ZNF292: variants seen among roughly 807,000 people sequenced by gnomAD.
ZNF292 encodes zinc finger protein 292, also known as 16 zinc-finger domain protein.
ZNF292 carries 26 observed loss-of-function variants against 217.9 expected under a neutral mutation model. That is an observed-to-expected ratio of 0.12 (90% CI 0.09 to 0.17). The LOEUF (loss-of-function observed/expected upper bound fraction) is 0.17, where lower values mean the gene tolerates loss of function less well. Ranked by LOEUF, ZNF292 falls within the 10% of genes least tolerant of loss-of-function variation. The probability of loss-of-function intolerance (pLI) is 1.00; values close to 1 mark genes in which losing one functional copy is unlikely to be tolerated. For missense variants in ZNF292, 2,904 were observed against 3,175.2 expected, an observed-to-expected ratio of 0.91 and a Z score of 2.05; for synonymous variants, 1,257 against 1,124.1, an observed-to-expected ratio of 1.12 and a Z score of -2.37.
chr6:87,228,694 C>T (rs1773494473), intron 4 of ZNF292, among the ~76,000 whole-genome samples: 1 of 152,076 alleles, frequency 6.6e-6, no homozygotes, highest in Admixed American at 6.6e-5. Flanking sequence ...CTGTTCTTTC[C>T]CCATTGAGTC....
Position 87,261,135 on chromosome 6 carries a change from C to G in ZNF292, c.7506C>G (p.Thr2502=), listed in dbSNP as rs1262289640. ...ATGAAGATAGCACAAGTGTAGAGAC[C>G]CAAGCTAATACTTCTTCAAATGTAA... ...LINEDSTSVE[T]QANTSSNVSN... Residue 2502 remains threonine, a synonymous_variant, in exon 8 of 8, where the codon ACC becomes ACG. Transcript: ENST00000369577. 7 of 1,612,546 alleles carry G rather than the reference C, an allele frequency of 4.3e-6. No individual in the cohort carries two copies. The highest frequency in any genetic ancestry group is 5.9e-6 in the Non-Finnish European group (7 of 1,179,448).
Position 87,254,814 on chromosome 6 carries a change from T to C in ZNF292, c.1185T>C (p.Leu395=). 6.2e-7 allele frequency: 1 copy of C among 1,613,926 alleles called. No individual in the cohort carries two copies. Among genetic ancestry groups the C allele is most frequent in the Non-Finnish European group, 8.5e-7 (1 of 1,179,854 alleles). Residue 395 remains leucine, a synonymous_variant, in exon 8 of 8, where the codon CTT becomes CTC. Transcript: ENST00000369577. Reference sequence around the variant, plus strand: ...GTGCTTGTCAACTGAGTGAATTTCTTATTGAGCCTACAGTAGATGCGTATT... The same window carrying C: ...GTGCTTGTCAACTGAGTGAATTTCTCATTGAGCCTACAGTAGATGCGTATT... ...VKRACQLSEF[L]IEPTVDAYYA...
intron 5 of ZNF292, among the ~76,000 whole-genome samples, chr6:87,235,106 C>A (rs1487005684): frequency 6.6e-6 from 1 of 151,996 alleles, no homozygotes; most frequent in East Asian, 1.9e-4. Flanking sequence ...TATTTTATTA[C>A]AGGTAATTGG....
intron 1 of ZNF292, among the ~76,000 whole-genome samples, chr6:87,194,314 TTTTTAA>T (rs1323406258): frequency 1.3e-5 from 2 of 150,136 alleles, no homozygotes; most frequent in African/African-American, 5.1e-5. Context: ...TTACAAGCAC[TTTTTAA>T]TTTAAAGAGT....
At chr6:87,202,527 A>G (rs1772126694) in intron 1 of ZNF292, among the ~76,000 whole-genome samples, 1 of 152,088 alleles carries the variant, frequency 6.6e-6, no homozygotes, top group Admixed American at 6.5e-5. Context: ...TTAGCCCTAC[A>G]GTTTTGAATA....
intron 1 of ZNF292, among the ~76,000 whole-genome samples, chr6:87,190,009 C>T (rs989215626): frequency 1.2e-4 from 18 of 152,162 alleles, no homozygotes; most frequent in Non-Finnish European, 1.5e-5. Flanking sequence ...AATCCAACAC[C>T]ACTTTATTTT....
chr6:87,256,488 G>C lies in ZNF292; in HGVS notation c.2859G>C (p.Lys953Asn), dbSNP rs1213553520. The change falls in exon 8 of 8, where the codon AAG (lysine) becomes AAC (asparagine). Residue 953 changes from lysine to asparagine, a missense_variant. Transcript: ENST00000369577. ...AGGGGATTGAGGATAACTTTGGAAAGCAAGAAAACTCAACTGTGGAAGGCA... is the reference window on the plus strand; with the variant it reads ...AGGGGATTGAGGATAACTTTGGAAACCAAGAAAACTCAACTGTGGAAGGCA... The part of the protein sequence containing the change: ...LNQGIEDNFG[K>N]QENSTVEGSG... 1 of 1,611,104 alleles carries C rather than the reference G, an allele frequency of 6.2e-7. No homozygotes were observed. Among genetic ancestry groups the C allele is most frequent in the Non-Finnish European group, 8.5e-7 (1 of 1,179,814 alleles).
At chr6:87,195,105 A>G (rs1028393881) in intron 1 of ZNF292, among the ~76,000 whole-genome samples, 1 of 152,214 alleles carries the variant, frequency 6.6e-6, no homozygotes, top group Non-Finnish European at 1.5e-5. Flanking sequence ...AAAAATCTCC[A>G]TTGTAAACAG....
Position 87,217,612 on chromosome 6 carries a change from A to G in ZNF292, c.403-984A>G, listed in dbSNP as rs553389748. ...ATTTTGTTTGCCAACGTAAGATAAA[A>G]TTTTACACTTTCTTTTTGAAACAAA... On this transcript the variant is annotated intron_variant, in intron 3 of 7. Coordinates refer to ENST00000369577, the MANE Select transcript of ZNF292 (RefSeq NM_015021.3). Among the ~76,000 whole-genome samples, 77 of 152,186 alleles carry G rather than the reference A, an allele frequency of 5.1e-4. 1 individual carries two copies. Among genetic ancestry groups the G allele is most frequent in the African/African-American group, 1.4e-3 (58 of 41,552 alleles).
intron 1 of ZNF292, among the ~76,000 whole-genome samples, chr6:87,203,956 A>G (rs1007196782): frequency 3.9e-5 from 6 of 152,180 alleles, no homozygotes; most frequent in Admixed American, 2.6e-4. Context: ...GGCAGACACT[A>G]CTTTAATCAA....
intron 7 of ZNF292, among the ~76,000 whole-genome samples, chr6:87,248,008 A>C (rs890939539): frequency 4.6e-5 from 7 of 152,194 alleles, no homozygotes; most frequent in Non-Finnish European, 8.8e-5. Flanking sequence ...TTTACTATTA[A>C]GTATTAATAA....
chr6:87,217,274 T>TCAAGTGCAACAGGAAA (rs1772835889), intron 3 of ZNF292, among the ~76,000 whole-genome samples: 1 of 152,092 alleles, frequency 6.6e-6, no homozygotes, highest in Non-Finnish European at 1.5e-5. Context: ...CATTAAAATC[T>TCAAGTGCAACAGGAAA]ACATCAAGTG....
At chr6:87,169,125 C>T (rs1431399909) in intron 1 of ZNF292, among the ~76,000 whole-genome samples, 1 of 152,098 alleles carries the variant, frequency 6.6e-6, no homozygotes, top group Non-Finnish European at 1.5e-5. Context: ...TCACTGCAGC[C>T]TCCGCCTCCC....
intron 7 of ZNF292, chr6:87,249,551 C>G (rs899539115): frequency 6.2e-6 from 1 of 162,066 alleles, no homozygotes; most frequent in Non-Finnish European, 1.4e-5. Flanking sequence ...TCTGATCAAG[C>G]AGAGGTTTTA....
chr6:87,156,938 ATATT>A, intron 1 of ZNF292, among the ~76,000 whole-genome samples: 1 of 152,354 alleles, frequency 6.6e-6, no homozygotes, highest in East Asian at 1.9e-4. Flanking sequence ...TACACAGGTC[ATATT>A]TAGAGTTAAC....
chr6:87,189,356 A>G (rs1383931033), intron 1 of ZNF292, among the ~76,000 whole-genome samples: 1 of 152,082 alleles, frequency 6.6e-6, no homozygotes, highest in Non-Finnish European at 1.5e-5. Flanking sequence ...TCTTATATTC[A>G]CATAGTATGT....
At position 87,260,439 on chromosome 6, in the gene ZNF292, G is replaced by T; in HGVS notation, c.6810G>T (p.Arg2270=). The change falls in exon 8 of 8, where the codon CGG becomes CGT. Residue 2270 remains arginine, a synonymous_variant. Coordinates refer to ENST00000369577, the MANE Select transcript of ZNF292 (RefSeq NM_015021.3). ...GCTGTGACCGTATATATGCAACCCG[G>T]TCGAATCTCCTCCGACACATTTTTA... ...CEGCDRIYAT[R]SNLLRHIFNK... The T allele has an allele frequency of 2.5e-6, 4 of 1,613,578 alleles. No individual in the cohort carries two copies. The highest frequency in any genetic ancestry group is 3.4e-6 in the Non-Finnish European group (4 of 1,179,710).
rs200608533 is a variant in ZNF292 at position 87,209,112 on chromosome 6, CT to C, written c.169-6790del. ...TTTTTAGCCCCACTTTCACCCCCCC[CT>C]CCCCATTTTCAGAGGCATCTAGTGC... On this transcript the variant is annotated intron_variant, in intron 1 of 7. Transcript: ENST00000369577. 3.4e-4 allele frequency among the ~76,000 whole-genome samples: 49 copies of C among 144,916 alleles called. 3 individuals are homozygous for C. Among genetic ancestry groups the C allele is most frequent in the South Asian group, 1.5e-3 (7 of 4,536 alleles).
At chr6:87,225,090 A>C (rs1472398306) in intron 4 of ZNF292, among the ~76,000 whole-genome samples, 1 of 152,152 alleles carries the variant, frequency 6.6e-6, no homozygotes, top group African/African-American at 2.4e-5. Flanking sequence ...TTGTTATTTT[A>C]ATTTGCATTT....
Sources: gnomAD v4.1 joint callset for allele counts (sites outside exome capture counted in the v4.1 genomes callset) on GRCh38, gnomAD v4.1.1 for gene constraint, MANE v1.5 for transcripts, NCBI Gene and HGNC (gene_info 2026-07-23, HGNC 2026-07-21) for gene names.